The following NOP56 variants were observed in gnomAD, a reference collection of about 807,000 sequenced individuals.
The protein encoded by NOP56 is nucleolar protein 56.
In NOP56, 31 loss-of-function variants were observed where a neutral mutation model predicts 58.3. The ratio of observed to expected loss-of-function variants is 0.53; its 90% CI spans 0.40 to 0.72. The LOEUF (loss-of-function observed/expected upper bound fraction) is 0.72. Ranked by LOEUF, NOP56 falls within the 30% of genes least tolerant of loss-of-function variation. The pLI is 0.00. For synonymous variants in NOP56, 313 were observed against 282.8 expected (o/e 1.11, Z -1.07); for missense variants, 669 against 739.9 (o/e 0.90, Z 1.11).
intron 2 of NOP56, 114 bp downstream of exon 2, chr20:2,653,045 G>C: frequency 1.0e-6 from 1 of 979,728 alleles, no homozygotes; most frequent in Non-Finnish European, 1.5e-6. Flanking sequence ...CGGGGGGACG[G>C]GCCTGGAAAG....
intron 11 of NOP56, 194 bp downstream of exon 11, chr20:2,657,412 G>A (rs750081542): frequency 2.4e-6 from 2 of 832,554 alleles, no homozygotes; most frequent in South Asian, 2.9e-5. Flanking sequence ...AGCCCAGAGA[G>A]CTGGTTGTAG....
intron 5 of NOP56, 160 bp downstream of exon 5, chr20:2,655,107 CTG>C (rs1195018871): frequency 1.9e-6 from 2 of 1,073,154 alleles, no homozygotes; most frequent in Non-Finnish European, 2.9e-6. Flanking sequence ...CTTACACTGA[CTG>C]TATAGAAAGA....
Position 2,652,758 on chromosome 20 carries a change from C to CCCGGGCCTGGGCCTGG in NOP56, c.4-84_4-83insCCGGGCCTGGGCCTGG, listed in dbSNP as rs55762518. The CCCGGGCCTGGGCCTGG allele has an allele frequency of 1.0e-5, 12 of 1,195,970 alleles. No homozygotes were observed. The African/African-American group carries it at 1.6e-4, about 16-fold the overall frequency. 74.1% of individuals were successfully genotyped at this position (1,195,970 alleles called of 1,614,324 possible). A position where few individuals can be genotyped will look rare whatever the true frequency, so the allele number is the denominator to read the frequency against. ...GGGCCTGGGCCTGGGCCTGGGCCTG[C>CCCGGGCCTGGGCCTGG]GCCTGCGCCTGCGCCTGCCCTGGGA... On this transcript the variant is annotated intron_variant, in intron 1 of 11. Transcript: ENST00000329276.
At chr20:2,654,644 T>C in intron 4 of NOP56, 69 bp downstream of exon 4, 1 of 1,607,302 alleles carries the variant, frequency 6.2e-7, no homozygotes, top group Non-Finnish European at 8.5e-7. Context: ...GGAAACTTGG[T>C]TGCTTGTTGT....
At chr20:2,653,441 G>A (rs1568540269) in intron 3 of NOP56, 48 bp downstream of exon 3, 2 of 1,492,414 alleles carry the variant, frequency 1.3e-6, no homozygotes, top group Admixed American at 1.7e-5. Flanking sequence ...GTTCCTTTCG[G>A]TATCCTCTCG....
chr20:2,655,574 T>G, intron 6 of NOP56, 21 bp from the exon 7 acceptor site: 1 of 1,614,180 alleles, frequency 6.2e-7, no homozygotes. Context: ...GCCTCTTGCA[T>G]TCACACTTGG....
chr20:2,655,453 A>G lies in NOP56; in HGVS notation c.698A>G (p.Glu233Gly), dbSNP rs1376321452. Reference sequence around the variant, plus strand: ...GAGGACAAGCTGGAGAAGCTGGAGGAGCTGACAATGGATGGGGCCAAGGCT... The same window carrying G: ...GAGGACAAGCTGGAGAAGCTGGAGGGGCTGACAATGGATGGGGCCAAGGCT... ...LNEDKLEKLE[E>G]LTMDGAKAKA... The change falls in exon 6 of 12, where the codon GAG becomes GGG. Residue 233 changes from glutamate to glycine, a missense_variant. Glu to Gly is a moderately conservative substitution (Grantham distance 98). Around this residue, in one of 3 missense-constraint regions of NOP56, gnomAD observed 339 missense variants for 430.5 expected, o/e 0.79. Transcript: ENST00000329276. 3 of 1,614,036 alleles carry G rather than the reference A, an allele frequency of 1.9e-6. No individual in the cohort carries two copies.
intron 2 of NOP56, 159 bp downstream of exon 2, chr20:2,653,090 G>A: frequency 1.3e-6 from 1 of 768,028 alleles, no homozygotes; most frequent in Non-Finnish European, 2.1e-6. Context: ...TGACCCATGG[G>A]TAGAATCGCT....
At chr20:2,655,859 G>A in intron 7 of NOP56, 75 bp from the exon 8 acceptor site, 2 of 1,609,476 alleles carry the variant, frequency 1.2e-6, no homozygotes, top group Non-Finnish European at 1.7e-6. Flanking sequence ...ATGGGGAGGT[G>A]GGGAGCAGGG....
chr20:2,655,209 G>C, intron 5 of NOP56, 116 bp from the exon 6 acceptor site: 1 of 1,327,424 alleles, frequency 7.5e-7, no homozygotes, highest in South Asian at 1.2e-5. Context: ...AATTGAGGAA[G>C]ATTTGGATCT....
intron 5 of NOP56, 130 bp from the exon 6 acceptor site, chr20:2,655,195 A>T: frequency 7.9e-7 from 1 of 1,264,986 alleles, no homozygotes; most frequent in Non-Finnish European, 1.2e-6. Flanking sequence ...ATGGGGGAAC[A>T]TAGAATTGAG....
intron 3 of NOP56, 73 bp downstream of exon 3, chr20:2,653,466 G>A: frequency 1.6e-6 from 2 of 1,249,634 alleles, no homozygotes. Context: ...GCTTGTGATA[G>A]TATTTGCCGT....
intron 3 of NOP56, chr20:2,653,599 C>T (rs11905681): frequency 0.01 from 5,683 of 563,478 alleles, 249 homozygotes; most frequent in African/African-American, 0.096. Flanking sequence ...ACTGTTTAAG[C>T]AGACGATGTG....
At position 2,656,507 on chromosome 20, in the gene NOP56, G is replaced by GCAAA; in HGVS notation, c.1122_1125dup (p.Cys376GlnfsTer13). On this transcript the variant is annotated frameshift_variant, in exon 9 of 12. Transcript: ENST00000329276. LOFTEE classifies it high-confidence loss of function. ...CAAAGGCCGCATCTCCCGATACCTG[G>GCAAA]CAAACAAATGCAGTATTGCCTCACG... 1 of 1,613,176 alleles carries GCAAA rather than the reference G, an allele frequency of 6.2e-7. No homozygotes were observed.
intron 8 of NOP56, 64 bp from the exon 9 acceptor site, chr20:2,656,337 G>A (rs911669043): frequency 6.2e-7 from 1 of 1,609,312 alleles, no homozygotes; most frequent in Non-Finnish European, 8.5e-7. Flanking sequence ...GGGAGGAGCT[G>A]AGCTGCCTTG....
chr20:2,656,599 G>T, intron 9 of NOP56, 50 bp downstream of exon 9: 1 of 1,610,282 alleles, frequency 6.2e-7, no homozygotes, highest in Non-Finnish European at 8.5e-7. Context: ...GGGTGGCTGG[G>T]TGGGGAGGCT....
chr20:2,658,265 A>G lies in NOP56; in HGVS notation c.1756A>G (p.Lys586Glu), dbSNP rs1319943809. Residue 586 changes from lysine to glutamate, a missense_variant, in exon 12 of 12, where the codon AAG becomes GAG. By Grantham distance (56) the Lys-to-Glu change is moderately conservative. Around this residue, in one of 3 missense-constraint regions of NOP56, gnomAD observed 209 missense variants for 196.2 expected, o/e 1.07. Transcript: ENST00000329276. ...VGKSSSKKKK[K>E]FHKASQED ...CAAGAGCAGCTCCAAGAAGAAGAAA[A>G]AGTTCCATAAAGCATCCCAGGAAGA... 6.3e-7 allele frequency: 1 copy of G among 1,595,182 alleles called. No individual in the cohort carries two copies. The highest frequency in any genetic ancestry group is 1.3e-5 in the African/African-American group (1 of 74,290).
intron 1 of NOP56, 50 bp downstream of exon 1, chr20:2,652,713 C>G (rs761409557): frequency 6.7e-7 from 1 of 1,496,682 alleles, no homozygotes; most frequent in African/African-American, 1.5e-5. Context: ...GGGTTTCGGC[C>G]TGCGTTCGGG....
In NOP56 at chr20:2,654,463, CA is replaced by C; in HGVS notation, c.263del (p.Lys88ArgfsTer21). The C allele has an allele frequency of 6.2e-7, 1 of 1,614,108 alleles. No homozygotes were observed. Among genetic ancestry groups the C allele is most frequent in the Non-Finnish European group, 8.5e-7 (1 of 1,180,036 alleles). ...RLLLETHLPS[K>X]KKKVLLGVGD... ...TGCTCTTGGAGACCCACCTGCCGTC[CA>C]AAAAGAAGAAAGTACTCTTGGGAGT... On this transcript the variant is annotated frameshift_variant, in exon 4 of 12. Transcript: ENST00000329276. LOFTEE classifies it high-confidence loss of function.
Sources: gnomAD v4.1 joint callset for allele counts on GRCh38, gnomAD v4.1.1 for gene constraint, gnomAD v4.1.1 regional missense constraint, MANE v1.5 for transcripts, NCBI Gene and HGNC (gene_info 2026-07-23, HGNC 2026-07-21) for gene names.